The following CNIH3 variants were observed in gnomAD, a reference collection of about 807,000 sequenced individuals.
CNIH3 encodes the protein protein cornichon homolog 3.
In CNIH3, 14 loss-of-function variants were observed where a neutral mutation model predicts 24.1. The ratio of observed to expected loss-of-function variants is 0.58; its 90% CI spans 0.38 to 0.91. The LOEUF (loss-of-function observed/expected upper bound fraction) is 0.91. Among genes scored for constraint, CNIH3 ranks in the 40% least tolerant of loss-of-function variants. CNIH3 has a pLI of 0.00. For synonymous variants in CNIH3, 68 were observed against 73.8 expected (o/e 0.92, Z 0.40); for missense variants, 178 against 196.8 (o/e 0.90, Z 0.57).
chr1:224,615,291 G>A (rs1682902687), upstream of CNIH3: 1 of 152,002 alleles, frequency 6.6e-6, no homozygotes, highest in Admixed American at 6.5e-5. Context: ...TCGTCTTTCA[G>A]GGTATTTTTC....
chr1:224,665,324 C>T (rs1487242690), intron 1 of CNIH3, among the ~76,000 whole-genome samples: 2 of 152,156 alleles, frequency 1.3e-5, no homozygotes, highest in Non-Finnish European at 2.9e-5. Context: ...AGGTAACCTA[C>T]TTCATCTAAA....
At chr1:224,642,224 A>T (rs1373555744) in intron 1 of CNIH3, among the ~76,000 whole-genome samples, 1 of 152,108 alleles carries the variant, frequency 6.6e-6, no homozygotes, top group African/African-American at 2.4e-5. Flanking sequence ...GTGTTCTATT[A>T]TGCAGATACT....
intron 2 of CNIH3, among the ~76,000 whole-genome samples, chr1:224,535,863 G>A (rs184491064): frequency 3.9e-5 from 6 of 152,348 alleles, no homozygotes; most frequent in African/African-American, 1.4e-4. Flanking sequence ...GGAGATGGCT[G>A]CCTAGTGGGA....
At chr1:224,707,805 G>A (rs947592462) in intron 3 of CNIH3, among the ~76,000 whole-genome samples, 2 of 152,198 alleles carry the variant, frequency 1.3e-5, no homozygotes. Flanking sequence ...CACTTACTGG[G>A]CATCCACCTT....
At chr1:224,692,719 T>C (rs1686989312) in intron 3 of CNIH3, among the ~76,000 whole-genome samples, 1 of 152,202 alleles carries the variant, frequency 6.6e-6, no homozygotes, top group South Asian at 2.1e-4. Context: ...AGAGGTTAAG[T>C]ATATATCCGA....
At chr1:224,727,108 G>GGTGACA (rs1347896124) in intron 3 of CNIH3, among the ~76,000 whole-genome samples, 4 of 152,188 alleles carry the variant, frequency 2.6e-5, no homozygotes, top group African/African-American at 7.2e-5. Context: ...GAGCATGTCC[G>GGTGACA]GTGACAGGGA....
intron 5 of CNIH3, among the ~76,000 whole-genome samples, chr1:224,738,619 CAA>C (rs1335309917): frequency 1.3e-5 from 2 of 152,174 alleles, no homozygotes; most frequent in Admixed American, 1.3e-4. Flanking sequence ...GCGAAATAGA[CAA>C]AGAGGTATAT....
chr1:224,630,376 G>A (rs1226917325), intron 1 of CNIH3, among the ~76,000 whole-genome samples: 1 of 152,072 alleles, frequency 6.6e-6, no homozygotes. Flanking sequence ...AATGAAGTAG[G>A]TTGTTAGCTC....
chr1:224,705,109 C>G (rs940020387), intron 3 of CNIH3, among the ~76,000 whole-genome samples: 1 of 152,012 alleles, frequency 6.6e-6, no homozygotes, highest in Admixed American at 6.6e-5. Flanking sequence ...GAGCGAGACT[C>G]CCTCTCAAAA....
At chr1:224,655,025 A>C (rs1685034171) in intron 1 of CNIH3, among the ~76,000 whole-genome samples, 2 of 152,148 alleles carry the variant, frequency 1.3e-5, no homozygotes, top group African/African-American at 4.8e-5. Flanking sequence ...AGTTTAATGA[A>C]GGGACTATTT....
chr1:224,487,191 A>T (rs1212451281), intron 1 of CNIH3, among the ~76,000 whole-genome samples: 2 of 152,226 alleles, frequency 1.3e-5, no homozygotes, highest in African/African-American at 4.8e-5. Context: ...GCCTGAAACC[A>T]TGTCCTTACA....
downstream of CNIH3, among the ~76,000 whole-genome samples, chr1:224,592,920 C>T (rs1329040039): frequency 6.6e-6 from 1 of 152,098 alleles, no homozygotes; most frequent in Non-Finnish European, 1.5e-5. Context: ...AACAAAGGCT[C>T]ATTGTGATCT....
At chr1:224,451,070 G>T (rs1028099057) in intron 1 of CNIH3, among the ~76,000 whole-genome samples, 1 of 152,138 alleles carries the variant, frequency 6.6e-6, no homozygotes, top group Non-Finnish European at 1.5e-5. Flanking sequence ...CTAAAATCCT[G>T]TGTGCCTTTG....
At chr1:224,630,457 T>TA (rs1477734071) in intron 1 of CNIH3, among the ~76,000 whole-genome samples, 1 of 152,126 alleles carries the variant, frequency 6.6e-6, no homozygotes, top group Non-Finnish European at 1.5e-5. Flanking sequence ...AAACGTGATT[T>TA]AAAAAACAAC....
chr1:224,648,484 A>G (rs961659592), intron 1 of CNIH3, among the ~76,000 whole-genome samples: 1 of 151,976 alleles, frequency 6.6e-6, no homozygotes, highest in Non-Finnish European at 1.5e-5. Context: ...CAAAGAAAAG[A>G]GCACAAAGGG....
intron 3 of CNIH3, among the ~76,000 whole-genome samples, chr1:224,711,283 A>G (rs888462912): frequency 3.3e-5 from 5 of 151,056 alleles, no homozygotes; most frequent in African/African-American, 1.2e-4. Context: ...TTTCATTCCT[A>G]CTGCAACCAA....
intron 1 of CNIH3, among the ~76,000 whole-genome samples, chr1:224,498,767 C>T (rs1033644619): frequency 3.9e-5 from 6 of 152,274 alleles, no homozygotes; most frequent in Admixed American, 1.3e-4. Flanking sequence ...GGGGAAGATG[C>T]GGGGGGCAAG....
intron 1 of CNIH3, among the ~76,000 whole-genome samples, chr1:224,670,310 G>A (rs141102167): frequency 4.6e-5 from 7 of 152,334 alleles, no homozygotes; most frequent in African/African-American, 1.7e-4. Flanking sequence ...GACACTCGGG[G>A]CTGCTGCTCA....
At chr1:224,700,175 C>T (rs1441822899) in intron 3 of CNIH3, among the ~76,000 whole-genome samples, 5 of 152,186 alleles carry the variant, frequency 3.3e-5, no homozygotes, top group African/African-American at 4.8e-5. Context: ...TAATAAAACC[C>T]CACGTCTTGT....
Sources: allele counts gnomAD v4.1 joint callset (sites outside exome capture counted in the v4.1 genomes callset), GRCh38; gene constraint gnomAD v4.1.1; transcripts MANE v1.5; gene names NCBI Gene and HGNC (gene_info 2026-07-23, HGNC 2026-07-21).